Variants in GALNT15 observed in about 807,000 individuals in gnomAD.
The protein encoded by GALNT15 is polypeptide N-acetylgalactosaminyltransferase 15.
A neutral mutation model predicts 66.8 loss-of-function variants in GALNT15; 67 were observed. The ratio of observed to expected loss-of-function variants is 1.00; its 90% CI spans 0.82 to 1.23. The LOEUF (loss-of-function observed/expected upper bound fraction) is 1.23. Among genes scored for constraint, GALNT15 ranks in the 50% most tolerant of loss-of-function variants. The probability of loss-of-function intolerance (pLI) is 0.00; values close to 1 mark genes in which losing one functional copy is unlikely to be tolerated. For synonymous variants in GALNT15, 313 were observed against 311.5 expected, an observed-to-expected ratio of 1.00 and a Z score of -0.05; for missense variants, 827 against 804.3, an observed-to-expected ratio of 1.03 and a Z score of -0.34.
In GALNT15 at chr3:16,225,705, TA is replaced by T. The variant is rs577727692; in HGVS notation, c.1774-1646del. On this transcript the variant is annotated intron_variant, in intron 9 of 9. Transcript: ENST00000339732. This position sits in a 1 kb window ranked among gnomAD's most constrained non-coding sequence, Gnocchi z 4.4. ...GAGAGACTGTCTCAAAATAAATAAA[TA>T]AATAAAAGAAAAAGAAAAAAAGAAG... 4.7e-4 allele frequency among the ~76,000 whole-genome samples: 69 copies of T among 145,660 alleles called. No individual in the cohort carries two copies. The highest frequency in any genetic ancestry group is 4.0e-3 in the Middle Eastern group (1 of 252).
At chr3:16,207,634 T>C (rs1166718429) in intron 3 of GALNT15, among the ~76,000 whole-genome samples, 1 of 150,906 alleles carries the variant, frequency 6.6e-6, no homozygotes, top group Non-Finnish European at 1.5e-5. Context: ...TGTTCATATA[T>C]GCATGCATTG....
rs141824607 is a variant in GALNT15, at chr3:16,207,491, C to A, written c.912-1012C>A. Among the ~76,000 whole-genome samples the A allele has an allele frequency of 2.6e-5, 3 of 117,234 alleles. No individual in the cohort carries two copies. The East Asian group carries it at 8.4e-4, about 33-fold the overall frequency. The allele number at this position is 117,234 out of a possible 152,430, so 76.9% of individuals were successfully genotyped here. On this transcript the variant is annotated intron_variant, in intron 3 of 9. Transcript: ENST00000339732. ...TTCTCACATCACTCTGCAGTCATATCTCCAGGCTGTAAAAAAAAAAAAAAA... is the reference window on the plus strand; with the variant it reads ...TTCTCACATCACTCTGCAGTCATATATCCAGGCTGTAAAAAAAAAAAAAAA...
In GALNT15 at chr3:16,195,431, G is replaced by T. The variant is rs986422181; in HGVS notation, c.540-329G>T. Among the ~76,000 whole-genome samples, 1 of 152,194 alleles carries T rather than the reference G, an allele frequency of 6.6e-6. No individual in the cohort carries two copies. The highest frequency in any genetic ancestry group is 6.5e-5 in the Admixed American group (1 of 15,284). ...TTCTGATGCATGCTCAAGTGTGAGCGCTGTGAGGGTGATAATATTGTCATT... is the reference window on the plus strand; with the variant it reads ...TTCTGATGCATGCTCAAGTGTGAGCTCTGTGAGGGTGATAATATTGTCATT... On this transcript the variant is annotated intron_variant, in intron 1 of 9. Coordinates refer to ENST00000339732, the MANE Select transcript of GALNT15 (RefSeq NM_054110.5). The surrounding 1 kb of genome is among the most constrained non-coding windows in gnomAD (Gnocchi z 4.6).
the GALNT15 span, among the ~76,000 whole-genome samples, chr3:16,244,704 C>T: frequency 6.6e-6 from 1 of 152,368 alleles, no homozygotes; most frequent in East Asian, 1.9e-4. Flanking sequence ...CTTCTGGAAG[C>T]TCATCTCTTT....
intron 6 of GALNT15, among the ~76,000 whole-genome samples, chr3:16,215,374 T>C (rs1052612610): frequency 6.6e-6 from 1 of 152,170 alleles, no homozygotes; most frequent in Admixed American, 6.5e-5. Flanking sequence ...CTTCATTCTA[T>C]AAAACAGAAA....
At chr3:16,201,347 A>C (rs1226287647) in intron 3 of GALNT15, among the ~76,000 whole-genome samples, 1 of 151,762 alleles carries the variant, frequency 6.6e-6, no homozygotes, top group Non-Finnish European at 1.5e-5. Flanking sequence ...ACACCCGGCT[A>C]ATTTTTTGTA....
rs1417175594 is a variant in GALNT15, at chr3:16,189,209, G to A, written c.540-6551G>A. Among the ~76,000 whole-genome samples the A allele has an allele frequency of 6.6e-6, 1 of 152,166 alleles. No homozygotes were observed. The highest frequency in any genetic ancestry group is 1.5e-5 in the Non-Finnish European group (1 of 68,044). ...TTAGGCCAGGGTTCTAGGGAGATTA[G>A]GTCCAACAGGGGATCTAGCTGAACT... is the stretch of plus-strand genomic sequence containing the variant. On this transcript the variant is annotated intron_variant, in intron 1 of 9. Coordinates refer to ENST00000339732, the MANE Select transcript of GALNT15 (RefSeq NM_054110.5). This position sits in a 1 kb window ranked among gnomAD's most constrained non-coding sequence, Gnocchi z 5.1.
At chr3:16,230,591 AAAG>A, downstream of GALNT15, among the ~76,000 whole-genome samples, 2 of 152,220 alleles carry the variant, frequency 1.3e-5, no homozygotes, top group Non-Finnish European at 2.9e-5. This position sits in a 1 kb window ranked among gnomAD's most constrained non-coding sequence, Gnocchi z 4.5. Context: ...AAAAAAAAGA[AAAG>A]AAAAAAACAA....
chr3:16,220,045 T>C, intron 8 of GALNT15, 31 bp downstream of exon 8: 1 of 1,532,300 alleles, frequency 6.5e-7, no homozygotes. Context: ...GGATGGATGA[T>C]AGCCCAAGAA....
chr3:16,194,822 G>A (rs1574976396), intron 1 of GALNT15, among the ~76,000 whole-genome samples: 1 of 152,134 alleles, frequency 6.6e-6, no homozygotes, highest in Admixed American at 6.5e-5. Flanking sequence ...ACACACTGGG[G>A]CCTGTTGTGG....
chr3:16,227,697 A>T lies in GALNT15; in HGVS notation c.*197A>T, dbSNP rs1218138915. The T allele has an allele frequency of 6.1e-5, 17 of 276,856 alleles. No homozygotes were observed. The highest frequency in any genetic ancestry group is 1.2e-3 in the Middle Eastern group (1 of 824). The allele number at this position is 276,856 out of a possible 1,614,324, so 17.1% of individuals were successfully genotyped here. A position where few individuals can be genotyped will look rare whatever the true frequency, so the allele number is the denominator to read the frequency against. On this transcript the variant is annotated 3_prime_UTR_variant, in exon 10 of 10. Coordinates refer to ENST00000339732, the MANE Select transcript of GALNT15 (RefSeq NM_054110.5). This position sits in a 1 kb window ranked among gnomAD's most constrained non-coding sequence, Gnocchi z 4.5. ...TTTCATTGACTGCTGGCTGCTTTAA[A>T]AAAAAAAAAAAAGGATCCATTGTAC...
chr3:16,232,071 C>T, downstream of GALNT15: 1 of 981,348 alleles, frequency 1.0e-6, no homozygotes, highest in Non-Finnish European at 1.4e-6. Flanking sequence ...GTGAGCACCT[C>T]ATTAGATTAT....
Position 16,189,361 on chromosome 3 carries a change from G to A in GALNT15, c.540-6399G>A, listed in dbSNP as rs2063551162. 6.6e-6 allele frequency among the ~76,000 whole-genome samples: 1 copy of A among 152,234 alleles called. No homozygotes were observed. The highest frequency in any genetic ancestry group is 2.1e-4 in the South Asian group (1 of 4,830). Reference sequence around the variant, plus strand: ...ATGGCACCCACTGGTGTTGGGCAATGCACCAGCCCTAGTGGTTGAGATGAG... The same window carrying A: ...ATGGCACCCACTGGTGTTGGGCAATACACCAGCCCTAGTGGTTGAGATGAG... On this transcript the variant is annotated intron_variant, in intron 1 of 9. Transcript: ENST00000339732. This position sits in a 1 kb window ranked among gnomAD's most constrained non-coding sequence, Gnocchi z 5.1.
chr3:16,196,627 A>C (rs952511906), intron 2 of GALNT15, among the ~76,000 whole-genome samples: 16 of 152,300 alleles, frequency 1.1e-4, no homozygotes, highest in African/African-American at 2.4e-4. Flanking sequence ...GATTTTTAAA[A>C]TACTACTGCA....
In GALNT15 at chr3:16,211,085, G is replaced by A. The variant is rs2063808865; in HGVS notation, c.1080-39G>A. On this transcript the variant is annotated intron_variant, in intron 4 of 9. Coordinates refer to ENST00000339732, the MANE Select transcript of GALNT15 (RefSeq NM_054110.5). This position sits in a 1 kb window ranked among gnomAD's most constrained non-coding sequence, Gnocchi z 4.3. ...CCCAGCCTCGCCTGCTGTGCTCTGGGTTCTGAACTGCAGTGTCCTGCCTGT... is the reference window on the plus strand; with the variant it reads ...CCCAGCCTCGCCTGCTGTGCTCTGGATTCTGAACTGCAGTGTCCTGCCTGT... 1 of 1,485,932 alleles carries A rather than the reference G, an allele frequency of 6.7e-7. No individual in the cohort carries two copies. Among genetic ancestry groups the A allele is most frequent in the Non-Finnish European group, 9.4e-7 (1 of 1,064,402 alleles). 92.0% of individuals were successfully genotyped at this position (1,485,932 alleles called of 1,614,324 possible).
rs1327357543 is a variant in GALNT15 at position 16,211,899 on chromosome 3, C to A, written c.1197+658C>A. Among the ~76,000 whole-genome samples the A allele has an allele frequency of 6.6e-6, 1 of 152,222 alleles. No individual in the cohort carries two copies. Among genetic ancestry groups the A allele is most frequent in the Non-Finnish European group, 1.5e-5 (1 of 68,044 alleles). ...TTTCTCTCAAAAATTTAACCCCAGA[C>A]CCTATGAGTTTGCTGTGGCACCCTG... On this transcript the variant is annotated intron_variant, in intron 5 of 9. Transcript: ENST00000339732. This position sits in a 1 kb window ranked among gnomAD's most constrained non-coding sequence, Gnocchi z 4.3.
chr3:16,222,217 G>A (rs140322643), intron 8 of GALNT15, among the ~76,000 whole-genome samples: 4 of 152,282 alleles, frequency 2.6e-5, no homozygotes, highest in African/African-American at 9.6e-5. Flanking sequence ...TACAACAAAC[G>A]GCAGGAAAGT....
At chr3:16,198,339 T>C (rs148139500) in intron 2 of GALNT15, among the ~76,000 whole-genome samples, 1 of 129,544 alleles carries the variant, frequency 7.7e-6, no homozygotes, top group African/African-American at 3.3e-5. Context: ...CCAGTCCGGT[T>C]TGTGCTCTTC....
chr3:16,215,677 C>A (rs551623387), intron 6 of GALNT15, among the ~76,000 whole-genome samples: 1 of 151,824 alleles, frequency 6.6e-6, no homozygotes, highest in Admixed American at 6.6e-5. Context: ...TTTGGGAGGC[C>A]GAGGTGGGTG....
Sources: gnomAD v4.1 joint callset for allele counts (sites outside exome capture counted in the v4.1 genomes callset) on GRCh38, gnomAD v4.1.1 for gene constraint, Gnocchi (gnomAD v3.1) non-coding constraint, MANE v1.5 for transcripts, NCBI Gene and HGNC (gene_info 2026-07-23, HGNC 2026-07-21) for gene names.